ADK: variants seen among roughly 807,000 people sequenced by gnomAD.
The protein encoded by ADK is N6,N6-dimethyladenosine kinase.
Under a neutral mutation model 44.7 loss-of-function variants are expected in ADK, and 24 were observed. The observed-to-expected ratio is 0.54, with a 90% CI of 0.39 to 0.76. The LOEUF is 0.76. Among genes scored for constraint, ADK ranks in the 30% least tolerant of loss-of-function variants. The pLI is 0.00. For missense variants in ADK, 321 were observed against 425.1 expected, an observed-to-expected ratio of 0.76 and a Z score of 2.15; for synonymous variants, 128 against 142.6, an observed-to-expected ratio of 0.90 and a Z score of 0.73.
At chr10:74,416,033 T>TAC (rs71475283) in intron 6 of ADK, among the ~76,000 whole-genome samples, 2,968 of 145,394 alleles carry the variant, frequency 0.02, 38 homozygotes, top group South Asian at 0.031. Flanking sequence ...CATACATATA[T>TAC]ACACACACAC....
At chr10:74,354,539 C>T (rs903475779) in intron 4 of ADK, among the ~76,000 whole-genome samples, 1 of 152,144 alleles carries the variant, frequency 6.6e-6, no homozygotes, top group Non-Finnish European at 1.5e-5. Context: ...ACTCCAACTC[C>T]TTTATGATTA....
At chr10:74,276,807 G>A (rs924278664) in intron 3 of ADK, among the ~76,000 whole-genome samples, 2 of 151,774 alleles carry the variant, frequency 1.3e-5, no homozygotes, top group African/African-American at 4.8e-5. Flanking sequence ...TAGTTATATG[G>A]GATTGTGTGT....
intron 3 of ADK, among the ~76,000 whole-genome samples, chr10:74,278,367 A>T (rs1321126997): frequency 0.022 from 695 of 32,208 alleles, 1 homozygote; most frequent in Middle Eastern, 0.12. Context: ...AAAAAAAATT[A>T]AAAAAAAAAA....
chr10:74,674,648 G>A (rs951896155), intron 10 of ADK, among the ~76,000 whole-genome samples: 7 of 151,876 alleles, frequency 4.6e-5, no homozygotes, highest in Non-Finnish European at 7.4e-5. Context: ...TTGGGAGGCC[G>A]AAGCATGTGG....
In ADK at chr10:74,415,899, CATA is replaced by C. The variant is rs565974809; in HGVS notation, c.555+17325_555+17327del. Among the ~76,000 whole-genome samples, 197 of 151,978 alleles carry C rather than the reference CATA, an allele frequency of 1.3e-3. 3 individuals carry two copies. Among genetic ancestry groups the C allele is most frequent in the Middle Eastern group, 0.01 (3 of 294 alleles). ...TTTATTGTTGGCATGTAATGGAAGA[CATA>C]ATAAGTCTGCTTTGATCTCTTGCTC... On this transcript the variant is annotated intron_variant, in intron 6 of 10. Coordinates refer to ENST00000539909, the MANE Select transcript of ADK (RefSeq NM_006721.4).
chr10:74,627,619 T>A (rs190138627), intron 9 of ADK, among the ~76,000 whole-genome samples: 7 of 152,076 alleles, frequency 4.6e-5, no homozygotes, highest in Admixed American at 2.0e-4. Flanking sequence ...TCACAGTGTT[T>A]TTTTGTTGTT....
chr10:74,262,978 G>A (rs1194785933), intron 3 of ADK, among the ~76,000 whole-genome samples: 2 of 152,144 alleles, frequency 1.3e-5, no homozygotes, highest in African/African-American at 4.8e-5. Context: ...TTCTTCAATT[G>A]TTGCAAAACA....
At chr10:74,556,353 T>A (rs1850245961) in intron 7 of ADK, among the ~76,000 whole-genome samples, 1 of 152,206 alleles carries the variant, frequency 6.6e-6, no homozygotes, top group Admixed American at 6.5e-5. Context: ...CTTGAGGCTA[T>A]TCCATAACCT....
intron 3 of ADK, among the ~76,000 whole-genome samples, chr10:74,299,052 G>GAC (rs1839912290): frequency 1.3e-5 from 2 of 152,194 alleles, no homozygotes; most frequent in Admixed American, 6.5e-5. Flanking sequence ...AGCCAATGCT[G>GAC]AGTTTGAAGT....
chr10:74,372,429 C>T, intron 4 of ADK: 2 of 645,780 alleles, frequency 3.1e-6, no homozygotes, highest in South Asian at 1.6e-5. Flanking sequence ...TGTTATTGCA[C>T]ACGCTCTTAA....
At chr10:74,631,542 G>A (rs564878333) in intron 9 of ADK, among the ~76,000 whole-genome samples, 1 of 151,950 alleles carries the variant, frequency 6.6e-6, no homozygotes, top group Admixed American at 6.6e-5. Flanking sequence ...ACAGACGTGA[G>A]CCACTGTGCC....
chr10:74,660,403 G>A (rs139879363), intron 9 of ADK, among the ~76,000 whole-genome samples: 2,664 of 152,188 alleles, frequency 0.018, 70 homozygotes, highest in African/African-American at 0.061. Context: ...AAATGCTGGG[G>A]TTACAGACAC....
At chr10:74,215,154 C>T (rs1843963940) in intron 2 of ADK, among the ~76,000 whole-genome samples, 1 of 152,144 alleles carries the variant, frequency 6.6e-6, no homozygotes, top group Admixed American at 6.5e-5. Flanking sequence ...ATGTTGAGGA[C>T]TACCACTGTA....
chr10:74,457,217 A>G (rs907758249), intron 6 of ADK, among the ~76,000 whole-genome samples: 1 of 152,218 alleles, frequency 6.6e-6, no homozygotes, highest in Non-Finnish European at 1.5e-5. Context: ...ACGCAAATAA[A>G]CTAGAAAATC....
At chr10:74,169,766 G>T (rs529177099) in intron 1 of ADK, among the ~76,000 whole-genome samples, 5 of 152,258 alleles carry the variant, frequency 3.3e-5, no homozygotes, top group African/African-American at 1.2e-4. Context: ...TGTCCATAAT[G>T]AAAGCTAACT....
At chr10:74,241,917 T>G (rs1210269147) in intron 3 of ADK, among the ~76,000 whole-genome samples, 2 of 152,244 alleles carry the variant, frequency 1.3e-5, no homozygotes, top group Non-Finnish European at 2.9e-5. Flanking sequence ...AGTTCATACC[T>G]TTAGAAATTT....
intron 9 of ADK, among the ~76,000 whole-genome samples, chr10:74,622,834 C>G (rs957475833): frequency 2.0e-5 from 3 of 152,004 alleles, no homozygotes; most frequent in African/African-American, 7.2e-5. Context: ...CTGGAGAAAC[C>G]CTGTCTCTAC....
chr10:74,560,568 A>G (rs1203757976), intron 7 of ADK, among the ~76,000 whole-genome samples: 1 of 152,246 alleles, frequency 6.6e-6, no homozygotes, highest in Non-Finnish European at 1.5e-5. Context: ...AGCATGTAAC[A>G]TGTACAGCAA....
At chr10:74,418,160 C>T (rs1844438425) in intron 6 of ADK, among the ~76,000 whole-genome samples, 1 of 152,134 alleles carries the variant, frequency 6.6e-6, no homozygotes, top group Non-Finnish European at 1.5e-5. Flanking sequence ...GCCTTTTGTA[C>T]TCTTTCCTAA....
Sources: gnomAD v4.1 joint callset for allele counts (sites outside exome capture counted in the v4.1 genomes callset) on GRCh38, gnomAD v4.1.1 for gene constraint, MANE v1.5 for transcripts, NCBI Gene and HGNC (gene_info 2026-07-23, HGNC 2026-07-21) for gene names.